CYP51A1: variants seen among roughly 807,000 people sequenced by gnomAD.
The protein encoded by CYP51A1 is cytochrome P450 family 51 subfamily A member 1.
In CYP51A1, 45 loss-of-function variants were observed where a neutral mutation model predicts 53.5. The observed-to-expected ratio is 0.84, with a 90% CI of 0.66 to 1.08. The LOEUF (loss-of-function observed/expected upper bound fraction) is 1.08, where lower values mean the gene tolerates loss of function less well. Among genes scored for constraint, CYP51A1 ranks in the 50% least tolerant of loss-of-function variants. The pLI, the probability that CYP51A1 is intolerant of heterozygous loss-of-function variation, is 0.00. For synonymous variants in CYP51A1, 181 were observed against 217.7 expected (o/e 0.83, Z 1.48); for missense variants, 462 against 621.7 (o/e 0.74, Z 2.73).
intron 8 of CYP51A1, 56 bp from the exon 9 acceptor site, chr7:92,117,268 A>C: frequency 6.8e-7 from 1 of 1,468,146 alleles, no homozygotes; most frequent in Non-Finnish European, 9.4e-7. Context: ...CTGACAAATA[A>C]TCAGATCATT....
At chr7:92,129,117 CTT>C in intron 2 of CYP51A1, 61 bp from the exon 3 acceptor site, 1 of 1,069,042 alleles carries the variant, frequency 9.4e-7, no homozygotes, top group Non-Finnish European at 1.3e-6. Context: ...ACGACAGTAA[CTT>C]TTTAAAATCA....
In CYP51A1 at chr7:92,126,289, C is replaced by T. The variant is rs753673809; in HGVS notation, c.734G>A (p.Trp245Ter). Residue 245 changes from tryptophan (W) to a stop codon, truncating the protein, a stop_gained, in exon 5 of 10, where the codon TGG becomes TAG. Coordinates refer to ENST00000003100, the MANE Select transcript of CYP51A1 (RefSeq NM_000786.4). LOFTEE classifies it high-confidence loss of function. ...CAAAGGCAGCCAACCTGGTAAGAGC[C>T]AGGCTGCATGGCTGAAACCTCCATC... ...DLDGGFSHAA[W>*]LLPGWLPLPS... 4 of 1,610,404 alleles carry T rather than the reference C, an allele frequency of 2.5e-6. No homozygotes were observed. Among genetic ancestry groups the T allele is most frequent in the Non-Finnish European group, 3.4e-6 (4 of 1,179,296 alleles).
intron 5 of CYP51A1, among the ~76,000 whole-genome samples, chr7:92,124,954 T>C (rs894677864): frequency 6.6e-6 from 1 of 152,004 alleles, no homozygotes; most frequent in African/African-American, 2.4e-5. Context: ...CCATCCTGGC[T>C]AACACGGTGA....
intron 7 of CYP51A1, among the ~76,000 whole-genome samples, chr7:92,121,023 C>G (rs1338006229): frequency 1.3e-5 from 2 of 152,146 alleles, no homozygotes; most frequent in Non-Finnish European, 2.9e-5. Context: ...GGCATGGTGG[C>G]TCACACCTGT....
Position 92,128,439 on chromosome 7 carries a change from TGTGTGTGTGTGTGTGTGCGCGTGC to T in CYP51A1, c.468+417_468+440del, listed in dbSNP as rs1387641525. On this transcript the variant is annotated intron_variant, in intron 3 of 9. Coordinates refer to ENST00000003100, the MANE Select transcript of CYP51A1 (RefSeq NM_000786.4). ...TGTTTGGTTGGTTTCTGTGTGTGTG[TGTGTGTGTGTGTGTGTGCGCGTGC>T]GTGTGTGTGTGTGTGTTTGGTTTTT... Among the ~76,000 whole-genome samples the T allele has an allele frequency of 4.1e-5, 6 of 148,056 alleles. No individual in the cohort carries two copies. In the South Asian group the frequency reaches 8.6e-4, roughly 21 times the overall value.
chr7:92,123,390 T>G, intron 6 of CYP51A1, 75 bp from the exon 7 acceptor site: 1 of 1,208,486 alleles, frequency 8.3e-7, no homozygotes, highest in Non-Finnish European at 1.2e-6. Flanking sequence ...AAATAAAGTG[T>G]CATAATGAAT....
At chr7:92,113,915 T>C (rs1198808528) in intron 9 of CYP51A1, 72 bp from the exon 10 acceptor site, 1 of 1,003,692 alleles carries the variant, frequency 1.0e-6, no homozygotes, top group African/African-American at 1.6e-5. Context: ...GGTGATATTA[T>C]CTACATTTTA....
At chr7:92,128,012 G>A (rs1435100442) in intron 3 of CYP51A1, among the ~76,000 whole-genome samples, 1 of 152,196 alleles carries the variant, frequency 6.6e-6, no homozygotes, top group Non-Finnish European at 1.5e-5. Flanking sequence ...TGTCTGATTT[G>A]TGTTCTATAT....
At chr7:92,127,003 C>T (rs1343713438) in intron 4 of CYP51A1, among the ~76,000 whole-genome samples, 1 of 152,204 alleles carries the variant, frequency 6.6e-6, no homozygotes, top group African/African-American at 2.4e-5. Flanking sequence ...TTCCAATGAT[C>T]ATCTGGCTTT....
At chr7:92,121,810 C>T (rs78540651) in intron 7 of CYP51A1, among the ~76,000 whole-genome samples, 1 of 152,264 alleles carries the variant, frequency 6.6e-6, no homozygotes, top group East Asian at 1.9e-4. Flanking sequence ...CCAGGGGCAG[C>T]AGTCAGGGAG....
intron 9 of CYP51A1, among the ~76,000 whole-genome samples, chr7:92,114,148 T>G (rs1389043356): frequency 1.3e-5 from 2 of 152,166 alleles, no homozygotes; most frequent in Non-Finnish European, 2.9e-5. Context: ...TTTGGGAATA[T>G]AGTAGAATAT....
At chr7:92,120,317 G>A (rs1489874324) in intron 7 of CYP51A1, among the ~76,000 whole-genome samples, 5 of 152,146 alleles carry the variant, frequency 3.3e-5, no homozygotes, top group Non-Finnish European at 2.9e-5. Context: ...CCTTGAAAAG[G>A]ACAAAGTCAG....
At chr7:92,121,330 C>T (rs1819688862) in intron 7 of CYP51A1, among the ~76,000 whole-genome samples, 1 of 150,036 alleles carries the variant, frequency 6.7e-6, no homozygotes, top group South Asian at 2.1e-4. Context: ...ATAAAAAAAT[C>T]AAGTAACAAG....
At position 92,131,838 on chromosome 7, in the gene CYP51A1, A is replaced by T. The variant is rs1230760264; in HGVS notation, c.227T>A (p.Phe76Tyr). Residue 76 changes from phenylalanine (F) to tyrosine (Y), a missense_variant, in exon 2 of 10, where the codon TTC (phenylalanine) becomes TAC (tyrosine). By Grantham distance (22) the Phe-to-Tyr change is conservative (BLOSUM62 3). Coordinates refer to ENST00000003100, the MANE Select transcript of CYP51A1 (RefSeq NM_000786.4). ...CCCAAATGCTATGGCATGCCCAAGG[A>T]ATGGAATTGGGGAGAAAATGTATGG... ...SPPYIFSPIPFLGHAIAFGKS... is the reference protein window; with the variant it reads ...SPPYIFSPIPYLGHAIAFGKS... The T allele has an allele frequency of 1.9e-6, 3 of 1,600,808 alleles. No individual in the cohort carries two copies. In the South Asian group the frequency reaches 3.3e-5, roughly 18 times the overall value.
intron 9 of CYP51A1, among the ~76,000 whole-genome samples, chr7:92,116,096 AC>A (rs1819575529): frequency 6.6e-6 from 1 of 152,162 alleles, no homozygotes; most frequent in Non-Finnish European, 1.5e-5. Flanking sequence ...ACATGGCAAA[AC>A]CCAGTCTCTA....
chr7:92,126,703 T>A (rs1563180629), intron 4 of CYP51A1, among the ~76,000 whole-genome samples: 2 of 152,230 alleles, frequency 1.3e-5, no homozygotes, highest in Non-Finnish European at 2.9e-5. Flanking sequence ...TGTGGTTATT[T>A]GATTTCCAGG....
At chr7:92,114,275 T>C (rs764965172) in intron 9 of CYP51A1, among the ~76,000 whole-genome samples, 1 of 152,132 alleles carries the variant, frequency 6.6e-6, no homozygotes, top group Non-Finnish European at 1.5e-5. Context: ...CAAAATAATA[T>C]ACTAAAAAGT....
intron 2 of CYP51A1, among the ~76,000 whole-genome samples, chr7:92,131,552 A>G (rs1251815761): frequency 6.6e-6 from 1 of 152,222 alleles, no homozygotes; most frequent in Non-Finnish European, 1.5e-5. Context: ...GGTTTCCTCA[A>G]TGGTGTCTCA....
At chr7:92,132,036 G>C in intron 1 of CYP51A1, 164 bp from the exon 2 acceptor site, 3 of 551,232 alleles carry the variant, frequency 5.4e-6, no homozygotes, top group Non-Finnish European at 1.0e-5. Flanking sequence ...CAGCCAAATT[G>C]CAAATACCTC....
Sources: gnomAD v4.1 joint callset for allele counts (sites outside exome capture counted in the v4.1 genomes callset) on GRCh38, gnomAD v4.1.1 for gene constraint, MANE v1.5 for transcripts, NCBI Gene and HGNC (gene_info 2026-07-23, HGNC 2026-07-21) for gene names.